Variants in ASRGL1 observed in about 807,000 individuals in gnomAD.
ASRGL1 encodes isoaspartyl peptidase/L-asparaginase.
In ASRGL1, 16 loss-of-function variants were observed where a neutral mutation model predicts 22.4. That is an observed-to-expected ratio of 0.71 (90% CI 0.48 to 1.08). The LOEUF (loss-of-function observed/expected upper bound fraction) is 1.08. Ranked by LOEUF, ASRGL1 falls within the 50% of genes least tolerant of loss-of-function variation. The pLI is 0.00. For missense variants in ASRGL1, 412 were observed against 410.1 expected (o/e 1.00, Z -0.04); for synonymous variants, 165 against 159.3 (o/e 1.04, Z -0.27).
downstream of ASRGL1, among the ~76,000 whole-genome samples, chr11:62,398,259 C>T (rs1400698788): frequency 6.6e-6 from 1 of 150,692 alleles, no homozygotes; most frequent in Admixed American, 6.6e-5. Context: ...CACCCTGCGC[C>T]ACCACCAGGA....
intron 2 of ASRGL1, among the ~76,000 whole-genome samples, chr11:62,344,512 T>A (rs1219806975): frequency 6.6e-6 from 1 of 152,184 alleles, no homozygotes; most frequent in East Asian, 1.9e-4. Context: ...TTTCTTGTGT[T>A]GTCTTCTAGA....
At chr11:62,358,311 G>T (rs952009024) in intron 4 of ASRGL1, among the ~76,000 whole-genome samples, 1 of 150,818 alleles carries the variant, frequency 6.6e-6, no homozygotes, top group Non-Finnish European at 1.5e-5. Flanking sequence ...CAGAGGTTGC[G>T]GTGAGCCAAG....
chr11:62,356,237 G>T, intron 2 of ASRGL1, 88 bp from the exon 3 acceptor site: 11 of 1,499,082 alleles, frequency 7.3e-6, no homozygotes, highest in Non-Finnish European at 9.1e-6. Flanking sequence ...TGGGGCGGCT[G>T]GCCGGGCGGG....
In ASRGL1 at chr11:62,356,422, G is replaced by T; in HGVS notation, c.288G>T (p.Gln96His). The T allele has an allele frequency of 6.2e-7, 1 of 1,614,264 alleles. No individual in the cohort carries two copies. ...DLSAGAVSAV[Q>H]CIANPIKLAR... ...CTGCAGGAGCAGTGTCCGCAGTCCAGTGTATAGCAAATCCCATTAAACTTG... is the reference window on the plus strand; with the variant it reads ...CTGCAGGAGCAGTGTCCGCAGTCCATTGTATAGCAAATCCCATTAAACTTG... The change falls in exon 3 of 7, where the codon CAG (glutamine) becomes CAT (histidine). Residue 96 changes from glutamine to histidine, a missense_variant. By Grantham distance (24) the Gln-to-His change is conservative. Coordinates refer to ENST00000415229, the MANE Select transcript of ASRGL1 (RefSeq NM_001083926.2).
chr11:62,367,092 T>G (rs1227801691), intron 4 of ASRGL1, among the ~76,000 whole-genome samples: 1 of 151,248 alleles, frequency 6.6e-6, no homozygotes, highest in Non-Finnish European at 1.5e-5. Context: ...TAATCCCAAC[T>G]ACTTGGGAGG....
At chr11:62,373,797 CT>C (rs1438346544) in intron 4 of ASRGL1, among the ~76,000 whole-genome samples, 1 of 152,250 alleles carries the variant, frequency 6.6e-6, no homozygotes, top group Non-Finnish European at 1.5e-5. Context: ...TGTGTCCCCC[CT>C]GGTGGGGGAT....
At chr11:62,369,449 A>C (rs567689568) in intron 4 of ASRGL1, among the ~76,000 whole-genome samples, 1 of 152,182 alleles carries the variant, frequency 6.6e-6, no homozygotes, top group African/African-American at 2.4e-5. Flanking sequence ...TCTTTTCCCC[A>C]CATAACCCTT....
chr11:62,372,867 C>A, intron 4 of ASRGL1: 1 of 1,603,186 alleles, frequency 6.2e-7, no homozygotes, highest in East Asian at 2.2e-5. Context: ...TACCATGTAC[C>A]CAAAAGCAGT....
At chr11:62,383,704 C>A (rs1218031277) in intron 4 of ASRGL1, among the ~76,000 whole-genome samples, 2 of 150,544 alleles carry the variant, frequency 1.3e-5, no homozygotes, top group African/African-American at 2.4e-5. Flanking sequence ...GGTGGACTGC[C>A]TGAGCTCAGG....
chr11:62,362,809 G>GACACAC (rs1257030349), intron 4 of ASRGL1, among the ~76,000 whole-genome samples: 1 of 6,972 alleles, frequency 1.4e-4, no homozygotes, highest in African/African-American at 3.2e-4. Context: ...TTGCTTATCT[G>GACACAC]ACATACACAC....
At chr11:62,344,009 A>G (rs551404849) in intron 2 of ASRGL1, among the ~76,000 whole-genome samples, 1 of 147,092 alleles carries the variant, frequency 6.8e-6, no homozygotes, top group African/African-American at 2.5e-5. Flanking sequence ...GCTCACCGCA[A>G]CCTCCACCTC....
chr11:62,386,473 GATATGTACATAT>G (rs1295933819), intron 4 of ASRGL1, among the ~76,000 whole-genome samples: 3 of 149,182 alleles, frequency 2.0e-5, no homozygotes, highest in Non-Finnish European at 2.9e-5. Flanking sequence ...ACATATCATA[GATATGTACATAT>G]ATATGTACAT....
intron 2 of ASRGL1, among the ~76,000 whole-genome samples, chr11:62,338,932 CAAAAAA>C (rs576869521): frequency 2.0e-5 from 2 of 101,578 alleles, no homozygotes; most frequent in East Asian, 6.0e-4. Flanking sequence ...GAGACTATCT[CAAAAAA>C]AAAAAAAAAA....
intron 4 of ASRGL1, among the ~76,000 whole-genome samples, chr11:62,380,949 T>G (rs545236713): frequency 6.6e-6 from 1 of 152,100 alleles, no homozygotes; most frequent in Non-Finnish European, 1.5e-5. Context: ...TAGGATAAAG[T>G]CTTATAGTGG....
chr11:62,391,725 C>G (rs1407305715), intron 6 of ASRGL1, 93 bp downstream of exon 6: 1 of 1,430,586 alleles, frequency 7.0e-7, no homozygotes, highest in Non-Finnish European at 9.3e-7. Flanking sequence ...GTAGGAAACC[C>G]TTTCCTGTTG....
At chr11:62,395,759 CTTTTTTTTTTTT>C (rs564952668), downstream of ASRGL1, among the ~76,000 whole-genome samples, 580 of 71,938 alleles carry the variant, frequency 8.1e-3, 32 homozygotes, top group East Asian at 0.19. Flanking sequence ...GTAGCTGTTT[CTTTTTTTTTTTT>C]TTTTTTTTTT....
intron 4 of ASRGL1, among the ~76,000 whole-genome samples, chr11:62,362,096 T>C (rs1946448267): frequency 1.3e-5 from 2 of 152,110 alleles, no homozygotes; most frequent in Middle Eastern, 3.2e-3. Flanking sequence ...CTATGTGACA[T>C]ATACAGCCCA....
Position 62,338,072 on chromosome 11 carries a change from C to T in ASRGL1, c.95C>T (p.Thr32Ile). The T allele has an allele frequency of 6.2e-7, 1 of 1,608,018 alleles. No homozygotes were observed. The highest frequency in any genetic ancestry group is 1.7e-5 in the Admixed American group (1 of 59,086). Residue 32 changes from threonine (T) to isoleucine (I), a missense_variant, in exon 2 of 7, where the codon ACC becomes ATC. By Grantham distance (89) the Thr-to-Ile change is moderately conservative. Transcript: ENST00000415229. ...RVHQGMVRAA[T>I]VGYGILREGG... ...CACCAGGGCATGGTCAGAGCCGCCA[C>T]CGTGGGCTACGGCATCCTCCGGGAG...
In ASRGL1 at chr11:62,381,147, A is replaced by C. The variant is rs145748806; in HGVS notation, c.492-7986A>C. 6.1e-4 allele frequency among the ~76,000 whole-genome samples: 93 copies of C among 152,102 alleles called. 1 individual carries two copies. Among genetic ancestry groups the C allele is most frequent in the Middle Eastern group, 3.4e-3 (1 of 294 alleles). On this transcript the variant is annotated intron_variant, in intron 4 of 6. Transcript: ENST00000415229. ...GTATTTGGATTGGCGTTGCCATGAC[A>C]GAGACTCTCTATTTGATATTCTCTT...
Sources: allele counts gnomAD v4.1 joint callset (sites outside exome capture counted in the v4.1 genomes callset), GRCh38; gene constraint gnomAD v4.1.1; transcripts MANE v1.5; gene names NCBI Gene and HGNC (gene_info 2026-07-23, HGNC 2026-07-21).